The following SYNE2 variants were observed in gnomAD, a reference collection of about 807,000 sequenced individuals.
SYNE2 encodes the protein nesprin-2.
SYNE2 carries 431 observed loss-of-function variants against 856.3 expected under a neutral mutation model. The ratio of observed to expected loss-of-function variants is 0.50; its 90% CI spans 0.47 to 0.55. The LOEUF is 0.55. Among genes scored for constraint, SYNE2 ranks in the 20% least tolerant of loss-of-function variants. The probability of loss-of-function intolerance (pLI) is 0.00; values close to 1 mark genes in which losing one functional copy is unlikely to be tolerated. For synonymous variants in SYNE2, 2,923 were observed against 2,872.3 expected, an observed-to-expected ratio of 1.02 and a Z score of -0.56; for missense variants, 8,129 against 8,023.2, an observed-to-expected ratio of 1.01 and a Z score of -0.50.
intron 64 of SYNE2, among the ~76,000 whole-genome samples, chr14:64,102,501 ATTTTTTTTTTTTT>A (rs1211142346): frequency 5.2e-4 from 61 of 118,276 alleles, no homozygotes; most frequent in African/African-American, 2.0e-3. Flanking sequence ...CATGGGCTGA[ATTTTTTTTTTTTT>A]TTTTTTTTTT....
Position 64,024,289 on chromosome 14 carries a change from A to G in SYNE2, c.5670A>G (p.Lys1890=). ...DFLTLEGRNS[K]IKQVDSVLKH... The stretch of plus-strand genomic sequence containing the variant: ...TGACTCTTGAAGGAAGAAACAGTAA[A>G]ATAAAGCAGGTGGACAGCGTACTGA... Residue 1890 remains lysine, a synonymous_variant, in exon 39 of 116, where the codon AAA becomes AAG. Transcript: ENST00000555002. The G allele has an allele frequency of 6.2e-7, 1 of 1,614,120 alleles. No individual in the cohort carries two copies. Among genetic ancestry groups the G allele is most frequent in the Non-Finnish European group, 8.5e-7 (1 of 1,179,974 alleles).
chr14:63,881,209 G>C (rs143693783), intron 1 of SYNE2, among the ~76,000 whole-genome samples: 3 of 151,772 alleles, frequency 2.0e-5, no homozygotes, highest in African/African-American at 7.3e-5. Flanking sequence ...GAACTCCTGG[G>C]CTCAAGCAGT....
Position 64,052,662 on chromosome 14 carries a change from T to C in SYNE2, c.8749T>C (p.Leu2917=), listed in dbSNP as rs1213597550. 1 of 1,613,766 alleles carries C rather than the reference T, an allele frequency of 6.2e-7. No homozygotes were observed. The highest frequency in any genetic ancestry group is 8.5e-7 in the Non-Finnish European group (1 of 1,179,894). Residue 2917 remains leucine (L), a synonymous_variant, in exon 48 of 116, where the codon TTG becomes CTG. Coordinates refer to ENST00000555002, the MANE Select transcript of SYNE2 (RefSeq NM_182914.3). ...VFERLFLEDQ[L]KNLKIRTNRI... ...TGAAAGATTATTTCTGGAAGATCAGTTGAAAAATCTTAAGATTAGGACCAA... is the reference window on the plus strand; with the variant it reads ...TGAAAGATTATTTCTGGAAGATCAGCTGAAAAATCTTAAGATTAGGACCAA...
intron 49 of SYNE2, among the ~76,000 whole-genome samples, chr14:64,057,197 G>C (rs1489580690): frequency 6.6e-6 from 1 of 151,646 alleles, no homozygotes; most frequent in East Asian, 1.9e-4. Flanking sequence ...TCACTCTGTG[G>C]TGCTATCAAT....
At chr14:63,867,637 G>A (rs987839120) in intron 1 of SYNE2, among the ~76,000 whole-genome samples, 1 of 152,124 alleles carries the variant, frequency 6.6e-6, no homozygotes, top group African/African-American at 2.4e-5. Flanking sequence ...GGTGAAGGTT[G>A]CAGTAAGCCG....
intron 31 of SYNE2, among the ~76,000 whole-genome samples, chr14:64,008,401 G>A (rs116862751): frequency 1.0e-3 from 156 of 152,284 alleles, no homozygotes; most frequent in Non-Finnish European, 1.6e-3. Context: ...TTTACCACAC[G>A]CCCCTACCTG....
rs1451683949 is a variant in SYNE2, at chr14:64,070,574, A to G, written c.10432-71A>G. ...TTTGAAGAGAGAGCATACAAAAATT[A>G]TGTCTACTTCAGGTCCTGAAATGTA... is the stretch of plus-strand genomic sequence containing the variant. On this transcript the variant is annotated intron_variant, in intron 51 of 115. Coordinates refer to ENST00000555002, the MANE Select transcript of SYNE2 (RefSeq NM_182914.3). The G allele has an allele frequency of 3.0e-6, 4 of 1,352,534 alleles. No individual in the cohort carries two copies. In the Admixed American group the frequency reaches 8.2e-5, roughly 28 times the overall value. The allele number at this position is 1,352,534 out of a possible 1,614,324, so 83.8% of individuals were successfully genotyped here.
chr14:63,904,650 T>G (rs1366063896), intron 1 of SYNE2, among the ~76,000 whole-genome samples: 1 of 152,126 alleles, frequency 6.6e-6, no homozygotes, highest in Admixed American at 6.5e-5. Context: ...CCTTTGCCCA[T>G]TTTTTAATGG....
At chr14:64,178,233 C>T (rs2098443469) in intron 96 of SYNE2, among the ~76,000 whole-genome samples, 1 of 152,044 alleles carries the variant, frequency 6.6e-6, no homozygotes, top group African/African-American at 2.4e-5. Flanking sequence ...CATCTTTTTT[C>T]TTTGTTGTAA....
In SYNE2 at chr14:64,124,225, C is replaced by T. The variant is rs551087863; in HGVS notation, c.13423-854C>T. ...CGTCTCAAAAAAAGAGACGGGTTCTCGCTGTTACCCAGGGTGGAGTGCAGT... is the reference window on the plus strand; with the variant it reads ...CGTCTCAAAAAAAGAGACGGGTTCTTGCTGTTACCCAGGGTGGAGTGCAGT... On this transcript the variant is annotated intron_variant, in intron 70 of 115. Transcript: ENST00000555002. Among the ~76,000 whole-genome samples, 25 of 151,922 alleles carry T rather than the reference C, an allele frequency of 1.6e-4. 1 individual carries two copies. The South Asian group carries it at 3.7e-3, about 23-fold the overall frequency.
At chr14:64,216,473 C>G (rs776795091) in intron 108 of SYNE2, 86 bp downstream of exon 108, 10 of 1,421,594 alleles carry the variant, frequency 7.0e-6, no homozygotes, top group Admixed American at 1.7e-5. Context: ...GTGTAAACTG[C>G]GTGTATTCAT....
In SYNE2 at chr14:63,979,020, C is replaced by T. The variant is rs771958973; in HGVS notation, c.1569+6C>T. 1.4e-5 allele frequency: 22 copies of T among 1,613,150 alleles called. No homozygotes were observed. Among genetic ancestry groups the T allele is most frequent in the Non-Finnish European group, 1.8e-5 (21 of 1,179,574 alleles). ...TATTGCTGGAAGACTGGCATGTAAG[C>T]TTTTCAATTTTGTGTCTTAGGCAAC... On this transcript the variant is annotated splice_donor_region_variant and intron_variant, in intron 14 of 115. Transcript: ENST00000555002.
At chr14:64,087,456 T>C (rs756758524) in intron 57 of SYNE2, 1 of 713,792 alleles carries the variant, frequency 1.4e-6, no homozygotes, top group Non-Finnish European at 2.6e-6. Context: ...AGACCAAATA[T>C]TTATGTTTCT....
chr14:63,982,205 G>A (rs1355347685), intron 16 of SYNE2, among the ~76,000 whole-genome samples: 2 of 152,152 alleles, frequency 1.3e-5, no homozygotes, highest in Admixed American at 6.5e-5. Context: ...GGGACTCTCC[G>A]AAAAAATTAA....
chr14:64,016,635 AG>A lies in SYNE2; in HGVS notation c.4887+5del. ...TATTGTGGATAGATGGCTTGATGTA[AG>A]TGATAATTTCATTGATTGCAAATTT... On this transcript the variant is annotated splice_donor_5th_base_variant and intron_variant, in intron 33 of 115. Coordinates refer to ENST00000555002, the MANE Select transcript of SYNE2 (RefSeq NM_182914.3). The A allele has an allele frequency of 6.3e-7, 1 of 1,577,122 alleles. No homozygotes were observed. The highest frequency in any genetic ancestry group is 8.7e-7 in the Non-Finnish European group (1 of 1,151,224).
chr14:64,216,591 C>A (rs906596594), intron 108 of SYNE2, among the ~76,000 whole-genome samples: 8 of 152,214 alleles, frequency 5.3e-5, no homozygotes, highest in Admixed American at 2.0e-4. Flanking sequence ...GAGATAGGTT[C>A]TGGCCAAAAA....
chr14:64,191,164 A>G, intron 99 of SYNE2: 1 of 371,162 alleles, frequency 2.7e-6, no homozygotes, highest in East Asian at 4.7e-5. Context: ...TATTTAAATT[A>G]AATTTATTAT....
rs776090696 is a variant in SYNE2, at chr14:64,007,188, T to C, written c.4543T>C (p.Leu1515=). 6.2e-7 allele frequency: 1 copy of C among 1,614,156 alleles called. No individual in the cohort carries two copies. Among genetic ancestry groups the C allele is most frequent in the Non-Finnish European group, 8.5e-7 (1 of 1,180,008 alleles). ...TCAACAGTGCCAAAATACAGTAGTC[T>C]TGTGGGAGAATACCAAAGCCTTGGT... is the stretch of plus-strand genomic sequence containing the variant. The part of the protein sequence containing the change: ...VNQQCQNTVV[L]WENTKALVTE... The change falls in exon 31 of 116, where the codon TTG becomes CTG. Residue 1515 remains leucine (L), a synonymous_variant. Transcript: ENST00000555002.
rs8007972 is a variant in SYNE2 at position 64,097,809 on chromosome 14, C to T, written c.12109-140C>T. On this transcript the variant is annotated intron_variant, in intron 61 of 115. Transcript: ENST00000555002. ...TATCCAGGATGGAAAGGAGCTATAC[C>T]GTACCAGAGACTAGCTTCTGGCTTT... 0.87 allele frequency: 713,644 copies of T among 822,342 alleles called. 310,021 individuals carry two copies. Among genetic ancestry groups the T allele is most frequent in the Admixed American group, 0.91 (46,117 of 50,818 alleles). 50.9% of individuals were successfully genotyped at this position (822,342 alleles called of 1,614,324 possible). A position where few individuals can be genotyped will look rare whatever the true frequency, so the allele number is the denominator to read the frequency against.
Sources: allele counts gnomAD v4.1 joint callset (sites outside exome capture counted in the v4.1 genomes callset), GRCh38; gene constraint gnomAD v4.1.1; transcripts MANE v1.5; gene names NCBI Gene and HGNC (gene_info 2026-07-23, HGNC 2026-07-21).